The following PCDH15 variants were observed in gnomAD, a reference collection of about 807,000 sequenced individuals.
PCDH15 encodes the protein protocadherin related 15.
PCDH15 carries 129 observed loss-of-function variants against 178.5 expected under a neutral mutation model. The ratio of observed to expected loss-of-function variants is 0.72; its 90% CI spans 0.63 to 0.84. The LOEUF is 0.84. PCDH15 is among the 40% of genes least tolerant of loss of function. The pLI is 0.00. For synonymous variants in PCDH15, 800 were observed against 732.0 expected, an observed-to-expected ratio of 1.09 and a Z score of -1.50; for missense variants, 2,230 against 2,099.9, an observed-to-expected ratio of 1.06 and a Z score of -1.21.
intron 2 of PCDH15, among the ~76,000 whole-genome samples, chr10:54,550,360 C>A (rs1199310305): frequency 1.3e-5 from 2 of 152,068 alleles, no homozygotes; most frequent in Non-Finnish European, 2.9e-5. Context: ...ATATAATCCC[C>A]TTTCCTGTTA....
At chr10:54,246,641 A>G (rs11004173) in intron 8 of PCDH15, among the ~76,000 whole-genome samples, 4,891 of 151,820 alleles carry the variant, frequency 0.032, 185 homozygotes, top group African/African-American at 0.094. Context: ...TAATGCTCTT[A>G]CGAACACTCT....
At chr10:55,366,283 A>AATAGAGTGATAACTTTATGAAT (rs1167089645) in intron 2 of PCDH15, 2 of 152,110 alleles carry the variant, frequency 1.3e-5, no homozygotes, top group Admixed American at 6.6e-5. Context: ...TGTTTTTTAT[A>AATAGAGTGATAACTTTATGAAT]ATAGAGTGAT....
At chr10:55,366,945 T>TGTG (rs1845375779) in intron 2 of PCDH15, among the ~76,000 whole-genome samples, 1 of 114,256 alleles carries the variant, frequency 8.8e-6, no homozygotes, top group Non-Finnish European at 1.9e-5. Context: ...GTGTGTGTGT[T>TGTG]TCACTTGCTT....
At chr10:53,891,827 C>T (rs1197613006) in intron 26 of PCDH15, among the ~76,000 whole-genome samples, 1 of 151,162 alleles carries the variant, frequency 6.6e-6, no homozygotes, top group African/African-American at 2.4e-5. Context: ...AAAAAGTTAG[C>T]TGGGTGTGGC....
chr10:54,491,458 T>G (rs1401900362), intron 3 of PCDH15, among the ~76,000 whole-genome samples: 1 of 152,130 alleles, frequency 6.6e-6, no homozygotes, highest in East Asian at 1.9e-4. Flanking sequence ...TCCACATAGT[T>G]TTAAGAAACC....
At position 54,242,128 on chromosome 10, in the gene PCDH15, TTTTATATATATATATATATATATA is replaced by T. The variant is rs1336894569; in HGVS notation, c.877-5221_877-5198del. Among the ~76,000 whole-genome samples, 130 of 62,002 alleles carry T rather than the reference TTTTATATATATATATATATATATA, an allele frequency of 2.1e-3. 7 individuals carry two copies. The highest frequency in any genetic ancestry group is 7.0e-3 in the African/African-American group (92 of 13,166). 40.7% of individuals were successfully genotyped at this position (62,002 alleles called of 152,430 possible). Reference sequence around the variant, plus strand: ...AATGAACTTTTGGTCTGAATTCTATTTTTATATATATATATATATATATATATATATATATATATATATATATAT... The same window carrying T: ...AATGAACTTTTGGTCTGAATTCTATTTATATATATATATATATATATATAT... On this transcript the variant is annotated intron_variant, in intron 8 of 37. Transcript: ENST00000644397.
intron 18 of PCDH15, among the ~76,000 whole-genome samples, chr10:54,065,609 T>G (rs948724425): frequency 6.6e-6 from 1 of 152,144 alleles, no homozygotes; most frequent in Non-Finnish European, 1.5e-5. Flanking sequence ...ACCAAGATTA[T>G]CCCCTATGTG....
At chr10:55,437,666 CCA>C (rs1429240000) in intron 2 of PCDH15, among the ~76,000 whole-genome samples, 1 of 151,948 alleles carries the variant, frequency 6.6e-6, no homozygotes, top group East Asian at 1.9e-4. Flanking sequence ...ACTAAATATG[CCA>C]TCTAACCCTT....
At chr10:54,615,500 C>T (rs2093109538) in intron 2 of PCDH15, among the ~76,000 whole-genome samples, 1 of 152,008 alleles carries the variant, frequency 6.6e-6, no homozygotes, top group Non-Finnish European at 1.5e-5. Flanking sequence ...ATCTCTAGTA[C>T]TCATAGTTTT....
At chr10:55,466,736 T>C (rs1839839033) in intron 2 of PCDH15, among the ~76,000 whole-genome samples, 1 of 152,254 alleles carries the variant, frequency 6.6e-6, no homozygotes, top group African/African-American at 2.4e-5. Flanking sequence ...TGAAATCACC[T>C]AGGAAAGAAT....
At chr10:54,048,419 T>C (rs1298036364) in intron 18 of PCDH15, among the ~76,000 whole-genome samples, 1 of 152,194 alleles carries the variant, frequency 6.6e-6, no homozygotes, top group Non-Finnish European at 1.5e-5. Context: ...GTCCCACTTA[T>C]CAATTTTTGT....
chr10:54,843,868 A>C (rs936951288), intron 3 of PCDH15, among the ~76,000 whole-genome samples: 15 of 152,016 alleles, frequency 9.9e-5, no homozygotes, highest in African/African-American at 3.4e-4. Flanking sequence ...ATGGCAATGA[A>C]CAATTGGACA....
chr10:54,527,733 T>TA (rs2083489388), intron 3 of PCDH15, 79 bp downstream of exon 3: 7 of 1,219,654 alleles, frequency 5.7e-6, no homozygotes, highest in Non-Finnish European at 1.2e-6. Flanking sequence ...TTAGTACCTC[T>TA]ACTCATAGTA....
upstream of PCDH15, among the ~76,000 whole-genome samples, chr10:55,320,994 T>C (rs1843884685): frequency 1.3e-5 from 2 of 151,984 alleles, no homozygotes; most frequent in Non-Finnish European, 2.9e-5. Flanking sequence ...ACACATATTA[T>C]TGAAAATCAG....
At chr10:55,621,383 G>T (rs1843588406) in intron 2 of PCDH15, among the ~76,000 whole-genome samples, 1 of 152,020 alleles carries the variant, frequency 6.6e-6, no homozygotes, top group Non-Finnish European at 1.5e-5. Context: ...ACAGAGCAAT[G>T]GTCCCCGCAC....
intron 2 of PCDH15, among the ~76,000 whole-genome samples, chr10:55,528,032 C>A (rs905610559): frequency 1.3e-5 from 2 of 151,518 alleles, no homozygotes; most frequent in South Asian, 2.1e-4. Context: ...TTAGCTTTTA[C>A]AAAAATTTTT....
At chr10:54,281,636 A>G (rs2058712278) in intron 8 of PCDH15, among the ~76,000 whole-genome samples, 1 of 151,996 alleles carries the variant, frequency 6.6e-6, no homozygotes, top group African/African-American at 2.4e-5. Context: ...GGAAAAATTG[A>G]CCTTTTGTTT....
chr10:54,394,253 T>C (rs1950914817), intron 3 of PCDH15, among the ~76,000 whole-genome samples: 2 of 152,176 alleles, frequency 1.3e-5, no homozygotes, highest in Admixed American at 1.3e-4. Context: ...GCATTATATG[T>C]AGACTCCTTA....
chr10:54,562,912 C>T (rs2088419041), intron 2 of PCDH15, among the ~76,000 whole-genome samples: 1 of 152,026 alleles, frequency 6.6e-6, no homozygotes, highest in Non-Finnish European at 1.5e-5. Context: ...CATGAACTGT[C>T]TCTATGAATT....
Sources: gnomAD v4.1 joint callset for allele counts (sites outside exome capture counted in the v4.1 genomes callset) on GRCh38, gnomAD v4.1.1 for gene constraint, MANE v1.5 for transcripts, NCBI Gene and HGNC (gene_info 2026-07-23, HGNC 2026-07-21) for gene names.